Variants in ZNF475 observed in about 807,000 individuals in gnomAD.
ZNF475 encodes zinc finger protein 475.
chr5:122,163,590 C>A, the ZNF475 span, among the ~76,000 whole-genome samples: 2 of 152,108 alleles, frequency 1.3e-5, no homozygotes, highest in Non-Finnish European at 2.9e-5. Context: ...AGCTAAGGCC[C>A]AAATTTTTAG....
chr5:122,171,879 T>C, the ZNF475 span, among the ~76,000 whole-genome samples: 2 of 152,042 alleles, frequency 1.3e-5, no homozygotes, highest in Non-Finnish European at 2.9e-5. Context: ...TTGAGAACTA[T>C]AGGCACGTGC....
At chr5:122,172,084 G>C in the ZNF475 span, among the ~76,000 whole-genome samples, 2 of 152,264 alleles carry the variant, frequency 1.3e-5, no homozygotes, top group South Asian at 4.2e-4. Flanking sequence ...TATGATTTAA[G>C]TGGATTAATT....
the ZNF475 span, among the ~76,000 whole-genome samples, chr5:122,174,594 A>T: frequency 9.9e-5 from 15 of 152,166 alleles, no homozygotes; most frequent in Non-Finnish European, 1.9e-4. Context: ...TCACCTTTTT[A>T]TGGTATTAAT....
At chr5:122,181,293 T>C in the ZNF475 span, among the ~76,000 whole-genome samples, 1 of 152,188 alleles carries the variant, frequency 6.6e-6, no homozygotes, top group Non-Finnish European at 1.5e-5. Flanking sequence ...CAAGGCCCTA[T>C]GCAAAAACAT....
At chr5:122,182,129 A>T in the ZNF475 span, among the ~76,000 whole-genome samples, 1 of 152,242 alleles carries the variant, frequency 6.6e-6, no homozygotes. Flanking sequence ...GCCAAAAGTT[A>T]TATTTGCAAA....
chr5:122,181,989 A>T, the ZNF475 span, among the ~76,000 whole-genome samples: 5 of 152,222 alleles, frequency 3.3e-5, no homozygotes, highest in Non-Finnish European at 7.3e-5. Context: ...GATATAATTC[A>T]TCTTAAATTC....
chr5:122,181,789 G>T, the ZNF475 span, among the ~76,000 whole-genome samples: 1 of 152,168 alleles, frequency 6.6e-6, no homozygotes, highest in Non-Finnish European at 1.5e-5. Flanking sequence ...ATGCCACATT[G>T]TTTCTCTAAA....
At chr5:122,175,974 C>CT in the ZNF475 span, among the ~76,000 whole-genome samples, 1,484 of 152,252 alleles carry the variant, frequency 9.7e-3, 25 homozygotes, top group African/African-American at 0.034. Context: ...AGCTTTTACC[C>CT]TTACCACTCC....
the ZNF475 span, chr5:122,182,394 C>T: frequency 1.8e-5 from 16 of 909,866 alleles, no homozygotes; most frequent in Admixed American, 3.4e-5. Context: ...ATGGTTCTCC[C>T]GAATAAAAAC....
the ZNF475 span, chr5:122,160,263 G>T: frequency 7.8e-7 from 1 of 1,289,768 alleles, no homozygotes; most frequent in Non-Finnish European, 1.0e-6. Context: ...CAACACTAAG[G>T]TAACAGGACC....
At chr5:122,181,522 G>A in the ZNF475 span, among the ~76,000 whole-genome samples, 2 of 152,148 alleles carry the variant, frequency 1.3e-5, no homozygotes, top group Non-Finnish European at 2.9e-5. Flanking sequence ...TTTCCATGGA[G>A]CAAGAAAGTG....
At chr5:122,178,023 C>T in the ZNF475 span, among the ~76,000 whole-genome samples, 1 of 152,126 alleles carries the variant, frequency 6.6e-6, no homozygotes, top group Non-Finnish European at 1.5e-5. Context: ...TGTTAGTTTG[C>T]TGACAATGGT....
At chr5:122,180,383 A>G in the ZNF475 span, among the ~76,000 whole-genome samples, 5,447 of 152,342 alleles carry the variant, frequency 0.036, 322 homozygotes, top group African/African-American at 0.12. Flanking sequence ...AGAAATCTAG[A>G]CATCTATTTT....
chr5:122,171,296 A>G, the ZNF475 span, among the ~76,000 whole-genome samples: 1 of 152,202 alleles, frequency 6.6e-6, no homozygotes, highest in East Asian at 1.9e-4. Flanking sequence ...AATGATACAA[A>G]TTCATTATAA....
chr5:122,168,100 A>G, the ZNF475 span, among the ~76,000 whole-genome samples: 2 of 152,122 alleles, frequency 1.3e-5, no homozygotes, highest in Non-Finnish European at 2.9e-5. Flanking sequence ...GCTGGAGTGC[A>G]ATGGTGCCAT....
At chr5:122,178,594 C>G in the ZNF475 span, among the ~76,000 whole-genome samples, 1 of 151,816 alleles carries the variant, frequency 6.6e-6, no homozygotes, top group Non-Finnish European at 1.5e-5. Context: ...TTGTTTTTTT[C>G]TTGTGAAGTT....
the ZNF475 span, among the ~76,000 whole-genome samples, chr5:122,172,345 T>C: frequency 1.3e-5 from 2 of 152,178 alleles, no homozygotes; most frequent in African/African-American, 4.8e-5. Context: ...TGGTGCCAAG[T>C]TCTTGAATGC....
the ZNF475 span, among the ~76,000 whole-genome samples, chr5:122,173,710 C>G: frequency 6.6e-6 from 1 of 152,102 alleles, no homozygotes; most frequent in Non-Finnish European, 1.5e-5. Context: ...AAAGTTTTCC[C>G]TAAAATGTTC....
chr5:122,162,463 G>C, the ZNF475 span: 1 of 152,148 alleles, frequency 6.6e-6, no homozygotes, highest in South Asian at 2.1e-4. Context: ...TTAAGGTTTG[G>C]GAATGAACTA....
Sources: allele counts gnomAD v4.1 joint callset (sites outside exome capture counted in the v4.1 genomes callset), GRCh38; gene constraint gnomAD v4.1.1; transcripts MANE v1.5; gene names NCBI Gene and HGNC (gene_info 2026-07-23, HGNC 2026-07-21).